KDM4C: variants seen among roughly 807,000 people sequenced by gnomAD.
KDM4C encodes the protein lysine-specific demethylase 4C.
In KDM4C, 81 loss-of-function variants were observed where a neutral mutation model predicts 129.3. The ratio of observed to expected loss-of-function variants is 0.63; its 90% CI spans 0.52 to 0.75. KDM4C has a LOEUF of 0.75. Among genes scored for constraint, KDM4C ranks in the 30% least tolerant of loss-of-function variants. KDM4C has a pLI of 0.00. For synonymous variants in KDM4C, 573 were observed against 456.1 expected (o/e 1.26, Z -3.26); for missense variants, 1,457 against 1,304.0 (o/e 1.12, Z -1.81).
At chr9:7,118,328 CAT>C (rs1207390069) in intron 18 of KDM4C, among the ~76,000 whole-genome samples, 6 of 152,186 alleles carry the variant, frequency 3.9e-5, no homozygotes, top group Admixed American at 3.9e-4. Flanking sequence ...TTTGATGAGT[CAT>C]ATGTGTATTT....
At chr9:7,144,143 G>A (rs563404853) in intron 19 of KDM4C, among the ~76,000 whole-genome samples, 1 of 151,152 alleles carries the variant, frequency 6.6e-6, no homozygotes, top group South Asian at 2.1e-4. Flanking sequence ...GTGTGACTAG[G>A]TCTTGCTGTG....
At chr9:7,050,710 C>T (rs1451620204) in intron 17 of KDM4C, among the ~76,000 whole-genome samples, 1 of 152,080 alleles carries the variant, frequency 6.6e-6, no homozygotes, top group Non-Finnish European at 1.5e-5. Flanking sequence ...AGTCACTGCT[C>T]TTGAGGCTGC....
chr9:6,929,471 CTTTTTTTTTTTTTTT>C (rs59537472), intron 8 of KDM4C, among the ~76,000 whole-genome samples: 1 of 127,528 alleles, frequency 7.8e-6, no homozygotes, highest in Admixed American at 8.0e-5. Context: ...TTGACTTTTT[CTTTTTTTTTTTTTTT>C]TTTTGGCAAC....
intron 15 of KDM4C, among the ~76,000 whole-genome samples, chr9:7,035,846 G>T (rs1827556518): frequency 6.6e-6 from 1 of 152,090 alleles, no homozygotes; most frequent in African/African-American, 2.4e-5. Context: ...TGATGTATGT[G>T]TCTGTTTTTA....
intron 17 of KDM4C, among the ~76,000 whole-genome samples, chr9:7,087,583 G>T (rs1041854965): frequency 8.6e-5 from 13 of 152,032 alleles, no homozygotes; most frequent in African/African-American, 2.9e-4. Context: ...TGTTAAAGAG[G>T]ATTATGGTAC....
intron 8 of KDM4C, among the ~76,000 whole-genome samples, chr9:6,923,547 T>C (rs951198010): frequency 2.8e-4 from 43 of 152,198 alleles, no homozygotes; most frequent in African/African-American, 9.9e-4. Context: ...ACTTTTACTT[T>C]CCATGAATTC....
At chr9:6,971,333 C>A (rs925022975) in intron 8 of KDM4C, among the ~76,000 whole-genome samples, 4 of 151,892 alleles carry the variant, frequency 2.6e-5, no homozygotes, top group Non-Finnish European at 5.9e-5. Context: ...TGGATTTATT[C>A]CAGTTTGGAT....
intron 18 of KDM4C, among the ~76,000 whole-genome samples, chr9:7,118,990 G>A (rs3802401): frequency 0.17 from 26,110 of 151,966 alleles, 2,439 homozygotes; most frequent in East Asian, 0.28. Flanking sequence ...CTGTGCTCTT[G>A]CCCTAGAGAT....
At position 6,793,016 on chromosome 9, in the gene KDM4C, C is replaced by T. The variant is rs900657832; in HGVS notation, c.28C>T (p.Leu10=). 4 of 1,614,094 alleles carry T rather than the reference C, an allele frequency of 2.5e-6. No individual in the cohort carries two copies. Among genetic ancestry groups the T allele is most frequent in the African/African-American group, 1.3e-5 (1 of 74,924 alleles). Residue 10 remains leucine (L), a synonymous_variant, in exon 2 of 22, where the codon CTG becomes TTG. Transcript: ENST00000381309. ...GGAGGTGGCCGAGGTGGAAAGTCCT[C>T]TGAACCCCAGCTGTAAGATAATGAC... MEVAEVESP[L]NPSCKIMTFR...
chr9:6,954,509 T>A (rs1435833039), intron 8 of KDM4C, among the ~76,000 whole-genome samples: 1 of 152,198 alleles, frequency 6.6e-6, no homozygotes, highest in African/African-American at 2.4e-5. Flanking sequence ...TTTTTATTTG[T>A]CTGTTCACGA....
chr9:6,892,987 A>G, intron 7 of KDM4C, 108 bp from the exon 8 acceptor site: 1 of 826,850 alleles, frequency 1.2e-6, no homozygotes, highest in South Asian at 3.3e-5. Context: ...TAGTGCTCTG[A>G]TATCAAGACT....
intron 17 of KDM4C, among the ~76,000 whole-genome samples, chr9:7,054,722 C>T (rs960367129): frequency 6.6e-6 from 1 of 152,152 alleles, no homozygotes; most frequent in Non-Finnish European, 1.5e-5. Flanking sequence ...ATACATTGAT[C>T]ACTTCCTGCA....
At chr9:6,992,090 C>G (rs1586761139) in intron 12 of KDM4C, among the ~76,000 whole-genome samples, 1 of 151,650 alleles carries the variant, frequency 6.6e-6, no homozygotes, top group South Asian at 2.1e-4. Context: ...TATGACAATT[C>G]TGTGTAAAGT....
chr9:6,952,630 G>A (rs1289078051), intron 8 of KDM4C, among the ~76,000 whole-genome samples: 4 of 147,806 alleles, frequency 2.7e-5, no homozygotes, highest in African/African-American at 2.4e-5. Flanking sequence ...TAGTAGAGAC[G>A]GGGTTTCACT....
chr9:6,741,405 A>G (rs1817689235), intron 1 of KDM4C, among the ~76,000 whole-genome samples: 1 of 151,910 alleles, frequency 6.6e-6, no homozygotes, highest in Non-Finnish European at 1.5e-5. Context: ...AAAAAACAAA[A>G]AACAAAAACA....
At chr9:6,802,798 G>A (rs1290720315) in intron 2 of KDM4C, among the ~76,000 whole-genome samples, 1 of 152,156 alleles carries the variant, frequency 6.6e-6, no homozygotes, top group Non-Finnish European at 1.5e-5. Flanking sequence ...GTAGAGATGG[G>A]GTTTCACCAT....
At chr9:6,849,950 C>T (rs918220347) in intron 5 of KDM4C, among the ~76,000 whole-genome samples, 1 of 152,198 alleles carries the variant, frequency 6.6e-6, no homozygotes, top group Non-Finnish European at 1.5e-5. Context: ...ACCACAGATA[C>T]AACGGTCATC....
Position 6,738,367 on chromosome 9 carries a change from C to T in KDM4C, c.49+17370C>T, listed in dbSNP as rs143116505. ...GGCACATGCTGTAATCCCAGCTACT[C>T]GGGAGGCTGAGGCAGGAGAATCGCT... is the stretch of plus-strand genomic sequence containing the variant. On this transcript the variant is annotated intron_variant, in intron 1 of 17. Coordinates refer to the KDM4C transcript ENST00000536108. Among the ~76,000 whole-genome samples the T allele has an allele frequency of 9.9e-3, 1,503 of 152,088 alleles. 27 individuals carry two copies. Among genetic ancestry groups the T allele is most frequent in the African/African-American group, 0.034 (1,423 of 41,520 alleles).
At chr9:6,857,067 T>C (rs762052949) in intron 5 of KDM4C, among the ~76,000 whole-genome samples, 2 of 152,148 alleles carry the variant, frequency 1.3e-5, no homozygotes, top group Non-Finnish European at 2.9e-5. Flanking sequence ...TGAGCCTTCC[T>C]AGGCTGGTTT....
Sources: allele counts gnomAD v4.1 joint callset (sites outside exome capture counted in the v4.1 genomes callset), GRCh38; gene constraint gnomAD v4.1.1; transcripts MANE v1.5; gene names NCBI Gene and HGNC (gene_info 2026-07-23, HGNC 2026-07-21).